The following CMTM1 variants were observed in gnomAD, a reference collection of about 807,000 sequenced individuals.
CMTM1 encodes CKLF-like MARVEL transmembrane domain-containing protein 1.
In CMTM1, 16 loss-of-function variants were observed where a neutral mutation model predicts 17.8. The observed-to-expected ratio is 0.90, with a 90% CI of 0.61 to 1.37. The LOEUF (loss-of-function observed/expected upper bound fraction) is 1.37. Among genes scored for constraint, CMTM1 ranks in the 40% most tolerant of loss-of-function variants. The probability of loss-of-function intolerance (pLI) is 0.00; values close to 1 mark genes in which losing one functional copy is unlikely to be tolerated. For missense variants in CMTM1, 354 were observed against 375.6 expected, an observed-to-expected ratio of 0.94 and a Z score of 0.47; for synonymous variants, 169 against 154.6, an observed-to-expected ratio of 1.09 and a Z score of -0.69.
In CMTM1 at chr16:66,577,189, T is replaced by C; in HGVS notation, c.677T>C (p.Leu226Pro). The C allele has an allele frequency of 3.1e-6, 5 of 1,613,800 alleles. No individual in the cohort carries two copies. Among genetic ancestry groups the C allele is most frequent in the Non-Finnish European group, 4.2e-6 (5 of 1,179,836 alleles). The change falls in exon 3 of 4, where the codon CTC becomes CCC. Residue 226 changes from leucine to proline, a missense_variant. Transcript: ENST00000379500. ...CAAGAAAAGAAAAGAAGGCATTTAC[T>C]CTATGTCGGGGGGGTAAGTAGAGGC... The part of the protein sequence containing the change: ...AMQEKKRRHL[L>P]YVGGSLCLTA...
intron 2 of CMTM1, 41 bp from the exon 3 acceptor site, chr16:66,577,063 A>G (rs1355232082): frequency 2.6e-6 from 4 of 1,551,036 alleles, no homozygotes; most frequent in Non-Finnish European, 3.5e-6. Flanking sequence ...GTGAAATTAT[A>G]TTGTTGTGTA....
In CMTM1 at chr16:66,569,896, A is replaced by T. The variant is rs768459066; in HGVS notation, c.433-40A>T. The T allele has an allele frequency of 1.5e-5, 23 of 1,489,908 alleles. 1 individual carries two copies. In the Admixed American group the frequency reaches 5.0e-4, roughly 32 times the overall value. 92.3% of individuals were successfully genotyped at this position (1,489,908 alleles called of 1,614,324 possible). A position where few individuals can be genotyped will look rare whatever the true frequency, so the allele number is the denominator to read the frequency against. ...ACATTCTGACAATGTAGATTTTTTT[A>T]AATCATGCATTAAAACAAATCCTGT... On this transcript the variant is annotated intron_variant, in intron 1 of 3. Coordinates refer to ENST00000379500, the MANE Select transcript of CMTM1 (RefSeq NM_052999.4).
intron 2 of CMTM1, among the ~76,000 whole-genome samples, chr16:66,570,457 A>G (rs1475905559): frequency 2.6e-5 from 4 of 152,216 alleles, no homozygotes; most frequent in African/African-American, 9.7e-5. Context: ...CTCTGATTAT[A>G]AACATTCTCC....
chr16:66,571,110 G>A (rs1313770446), intron 2 of CMTM1: 2 of 452,098 alleles, frequency 4.4e-6, no homozygotes, highest in Non-Finnish European at 8.9e-6. Context: ...TTTTCTCAAA[G>A]GCTGCTGAGC....
intron 3 of CMTM1, 98 bp downstream of exon 3, chr16:66,577,300 C>A: frequency 1.1e-6 from 1 of 880,706 alleles, no homozygotes; most frequent in Non-Finnish European, 1.8e-6. Context: ...CAAGCAAAAT[C>A]CCCACTGCCA....
At chr16:66,575,094 C>G in intron 2 of CMTM1, 1 of 985,442 alleles carries the variant, frequency 1.0e-6, no homozygotes, top group Non-Finnish European at 1.2e-6. Flanking sequence ...GCATTAACTA[C>G]CAGGCACCAA....
chr16:66,571,786 G>T (rs1350961938), intron 2 of CMTM1, among the ~76,000 whole-genome samples: 1 of 152,212 alleles, frequency 6.6e-6, no homozygotes, highest in Non-Finnish European at 1.5e-5. Context: ...ACTCATGCAG[G>T]CTGGGTCCAC....
At chr16:66,571,126 C>G (rs746468405) in intron 2 of CMTM1, 1 of 456,954 alleles carries the variant, frequency 2.2e-6, no homozygotes. Flanking sequence ...TGAGCTCTCT[C>G]TGTCCCACAG....
intron 2 of CMTM1, among the ~76,000 whole-genome samples, chr16:66,573,585 G>GA (rs1404814795): frequency 6.6e-6 from 1 of 151,040 alleles, no homozygotes; most frequent in African/African-American, 2.4e-5. Context: ...TGAAACCAAT[G>GA]AAAGTTGCAG....
At position 66,566,997 on chromosome 16, in the gene CMTM1, C is replaced by T. The variant is rs920270149; in HGVS notation, c.432+52C>T. 10 of 1,597,334 alleles carry T rather than the reference C, an allele frequency of 6.3e-6. No homozygotes were observed. Among genetic ancestry groups the T allele is most frequent in the Non-Finnish European group, 7.7e-6 (9 of 1,165,890 alleles). ...CTGGGCGGATGTGGCCGGCAGTGGC[C>T]TCGGGGAAATGCCCACGGGGTGCCA... On this transcript the variant is annotated intron_variant, in intron 1 of 3. Transcript: ENST00000379500. The surrounding 1 kb of genome is among the most constrained non-coding windows in gnomAD (Gnocchi z 4.9).
rs150823211 is a variant in CMTM1 at position 66,578,840 on chromosome 16, C to G, written c.700C>G (p.Leu234Val). Residue 234 changes from leucine to valine, a missense_variant, in exon 4 of 4, where the codon CTC becomes GTC. Transcript: ENST00000379500. ...HLLYVGGSLC[L>V]TAVIVCCIDA... ...GTCTTGTATCTGACAGTCCCTGTGT[C>G]TCACAGCGGTAATCGTGTGTTGCAT... 10 of 1,614,002 alleles carry G rather than the reference C, an allele frequency of 6.2e-6. No homozygotes were observed. The African/African-American group carries it at 9.3e-5, about 15-fold the overall frequency.
chr16:66,575,220 A>T, intron 2 of CMTM1: 1 of 985,346 alleles, frequency 1.0e-6, no homozygotes, highest in Non-Finnish European at 1.2e-6. Context: ...ACTATCTGTT[A>T]ACATTTTGAG....
intron 2 of CMTM1, among the ~76,000 whole-genome samples, chr16:66,572,415 A>G (rs1162051999): frequency 6.6e-6 from 1 of 152,202 alleles, no homozygotes; most frequent in Non-Finnish European, 1.5e-5. Context: ...GTGTACCTAC[A>G]CAATTTTTCA....
Position 66,566,696 on chromosome 16 carries a change from G to T in CMTM1, c.183G>T (p.Ala61=). 1 of 1,613,866 alleles carries T rather than the reference G, an allele frequency of 6.2e-7. No homozygotes were observed. Among genetic ancestry groups the T allele is most frequent in the Non-Finnish European group, 8.5e-7 (1 of 1,179,888 alleles). ...ACCCCGCAGTCTCAATTCGCAGTGC[G>T]CAGTCCGCAGCCGCCGCACGTCCCC... ...RKHPAVSIRS[A]QSAAAARPQG... The change falls in exon 1 of 4, where the codon GCG becomes GCT. Residue 61 remains alanine (A), a synonymous_variant. Transcript: ENST00000379500. The surrounding 1 kb of genome is among the most constrained non-coding windows in gnomAD (Gnocchi z 4.9).
intron 2 of CMTM1, chr16:66,575,384 G>A (rs757553997): frequency 3.2e-5 from 8 of 253,124 alleles, no homozygotes; most frequent in Non-Finnish European, 5.0e-5. Flanking sequence ...GTTGGCAGAT[G>A]GGTGATAAAA....
At chr16:66,571,544 ATCTCCAT>A (rs1390520860) in intron 2 of CMTM1, among the ~76,000 whole-genome samples, 1 of 152,198 alleles carries the variant, frequency 6.6e-6, no homozygotes, top group African/African-American at 2.4e-5. Flanking sequence ...ATGGTTTTCT[ATCTCCAT>A]TCTCCATTAA....
intron 2 of CMTM1, chr16:66,571,172 A>C (rs755098971): frequency 2.8e-5 from 13 of 457,296 alleles, no homozygotes; most frequent in Non-Finnish European, 4.4e-5. Flanking sequence ...AGCAAATATG[A>C]GCAACTTTAA....
In CMTM1 at chr16:66,570,094, TG is replaced by T; in HGVS notation, c.591+1del. On this transcript the variant is annotated splice_donor_variant, in intron 2 of 3. Transcript: ENST00000379500. LOFTEE classifies it high-confidence loss of function. ...TGACCTATTTACATTGGCCCTTACT[TG>T]TAAGTGTTCATTTTTACAATTCTTC... is the stretch of plus-strand genomic sequence containing the variant. 6.3e-7 allele frequency: 1 copy of T among 1,587,214 alleles called. No individual in the cohort carries two copies. The highest frequency in any genetic ancestry group is 1.4e-5 in the African/African-American group (1 of 73,228).
At chr16:66,578,278 C>G (rs537089305) in intron 3 of CMTM1, among the ~76,000 whole-genome samples, 2 of 152,168 alleles carry the variant, frequency 1.3e-5, no homozygotes, top group Non-Finnish European at 2.9e-5. Flanking sequence ...GGTTCACCTT[C>G]CATTCACCTC....
Sources: gnomAD v4.1 joint callset for allele counts (sites outside exome capture counted in the v4.1 genomes callset) on GRCh38, gnomAD v4.1.1 for gene constraint, Gnocchi (gnomAD v3.1) non-coding constraint, MANE v1.5 for transcripts, NCBI Gene and HGNC (gene_info 2026-07-23, HGNC 2026-07-21) for gene names.